TTLL9: variants seen among roughly 807,000 people sequenced by gnomAD.
The protein encoded by TTLL9 is tubulin tyrosine ligase like 9, also known as probable tubulin polyglutamylase TTLL9.
A neutral mutation model predicts 65.6 loss-of-function variants in TTLL9; 47 were observed. The ratio of observed to expected loss-of-function variants is 0.72; its 90% confidence interval spans 0.57 to 0.91. The LOEUF (loss-of-function observed/expected upper bound fraction) is 0.91, where lower values mean the gene tolerates loss of function less well. TTLL9 is among the 40% of genes least tolerant of loss of function. TTLL9 has a pLI of 0.00. For missense variants in TTLL9, 537 were observed against 568.8 expected (o/e 0.94, Z 0.57); for synonymous variants, 179 against 204.8 (o/e 0.87, Z 1.07).
intron 9 of TTLL9, among the ~76,000 whole-genome samples, chr20:31,925,629 C>T (rs1026844891): frequency 2.0e-5 from 3 of 152,110 alleles, no homozygotes; most frequent in Non-Finnish European, 4.4e-5. Flanking sequence ...CCAAGACAGA[C>T]TCCACCCCTG....
In TTLL9 at chr20:31,919,853, T is replaced by C; in HGVS notation, c.505-11T>C. The C allele has an allele frequency of 6.3e-7, 1 of 1,582,864 alleles. No homozygotes were observed. The highest frequency in any genetic ancestry group is 1.4e-5 in the African/African-American group (1 of 73,246). ...GCTAAGAGCTGGCTTTCTGCCCCCA[T>C]CCCACCCCAGGTAGCCCGGTCTCAA... is the stretch of plus-strand genomic sequence containing the variant. On this transcript the variant is annotated splice_polypyrimidine_tract_variant and intron_variant, in intron 6 of 14. Coordinates refer to ENST00000535842, the MANE Select transcript of TTLL9 (RefSeq NM_001008409.5).
chr20:31,896,200 G>C (rs1419038129), intron 3 of TTLL9, among the ~76,000 whole-genome samples: 2 of 151,756 alleles, frequency 1.3e-5, no homozygotes, highest in Non-Finnish European at 2.9e-5. Flanking sequence ...CTGGTCTCCA[G>C]CTCCTGACCT....
At chr20:31,907,793 G>A (rs2063580794) in intron 4 of TTLL9, among the ~76,000 whole-genome samples, 2 of 151,922 alleles carry the variant, frequency 1.3e-5, no homozygotes, top group South Asian at 4.2e-4. Flanking sequence ...TTTCCTTCGC[G>A]GCAGAACAGA....
At chr20:31,898,665 T>A in intron 4 of TTLL9, 100 bp downstream of exon 4, 2 of 987,070 alleles carry the variant, frequency 2.0e-6, no homozygotes, top group Non-Finnish European at 3.1e-6. Context: ...CCACTGGGAC[T>A]TGTCCCAAAG....
rs2062990448 is a variant in TTLL9 at position 31,873,817 on chromosome 20, G to GAAAGAAAGAAA, written c.69+2624_69+2625insAGAAAGAAAAA. On this transcript the variant is annotated intron_variant, in intron 2 of 14. Coordinates refer to ENST00000535842, the MANE Select transcript of TTLL9 (RefSeq NM_001008409.5). ...GAAAGGAAGGAAGGAAGGAAGGAAG[G>GAAAGAAAGAAA]AAGGAAGAAAGAAAGAAAGAAAGAA... 4.9e-4 allele frequency among the ~76,000 whole-genome samples: 40 copies of GAAAGAAAGAAA among 82,120 alleles called. 2 individuals carry two copies. The highest frequency in any genetic ancestry group is 1.6e-3 in the African/African-American group (35 of 21,720). 53.9% of individuals were successfully genotyped at this position (82,120 alleles called of 152,430 possible).
At chr20:31,879,183 T>C (rs963600253) in intron 2 of TTLL9, among the ~76,000 whole-genome samples, 2 of 152,144 alleles carry the variant, frequency 1.3e-5, no homozygotes, top group Non-Finnish European at 2.9e-5. Context: ...TACTCAGGCA[T>C]GGTGGCATGC....
intron 2 of TTLL9, among the ~76,000 whole-genome samples, chr20:31,882,817 A>G (rs2063137338): frequency 6.6e-6 from 1 of 152,226 alleles, no homozygotes; most frequent in Admixed American, 6.5e-5. Context: ...GCAAAATGTA[A>G]CAAACATCCT....
intron 4 of TTLL9, among the ~76,000 whole-genome samples, chr20:31,902,363 T>C (rs964364899): frequency 1.3e-5 from 2 of 152,316 alleles, no homozygotes; most frequent in South Asian, 2.1e-4. Flanking sequence ...TGTAGCAGTA[T>C]GTATCAGTAC....
At chr20:31,873,860 GAA>G (rs1171974433) in intron 2 of TTLL9, among the ~76,000 whole-genome samples, 1 of 148,684 alleles carries the variant, frequency 6.7e-6, no homozygotes, top group Admixed American at 6.7e-5. Context: ...AAGAAAGAAA[GAA>G]AGAAAGAAAG....
chr20:31,941,347 A>G (rs2064205828), intron 14 of TTLL9: 1 of 152,146 alleles, frequency 6.6e-6, no homozygotes, highest in Non-Finnish European at 1.5e-5. Flanking sequence ...ACAGTGCACC[A>G]AAGATATCAA....
intron 4 of TTLL9, among the ~76,000 whole-genome samples, chr20:31,906,965 T>C (rs1336966416): frequency 7.9e-5 from 12 of 152,042 alleles, no homozygotes; most frequent in Non-Finnish European, 1.3e-4. Context: ...CACCTTTTAA[T>C]AGGAAAATGG....
intron 3 of TTLL9, among the ~76,000 whole-genome samples, chr20:31,894,095 G>GTGCTTTTTTTTTTTT (rs2063348458): frequency 8.4e-6 from 1 of 118,902 alleles, no homozygotes; most frequent in African/African-American, 3.0e-5. Flanking sequence ...TTTCCATTTG[G>GTGCTTTTTTTTTTTT]TTCTTTTTTT....
In TTLL9 at chr20:31,890,086, TGCTTTCTTTC is replaced by T. The variant is rs1568752799; in HGVS notation, c.113+2848_113+2857del. 2.9e-4 allele frequency among the ~76,000 whole-genome samples: 38 copies of T among 133,104 alleles called. 2 individuals carry two copies. Among genetic ancestry groups the T allele is most frequent in the African/African-American group, 1.1e-3 (36 of 33,352 alleles). 87.3% of individuals were successfully genotyped at this position (133,104 alleles called of 152,430 possible). On this transcript the variant is annotated intron_variant, in intron 3 of 14. Coordinates refer to ENST00000535842, the MANE Select transcript of TTLL9 (RefSeq NM_001008409.5). ...TTTCTTTCTTGCTTTCTTGCTTTCT[TGCTTTCTTTC>T]CCTCCCTTCCTTCCTTCCTTCCTTC... is the stretch of plus-strand genomic sequence containing the variant.
intron 2 of TTLL9, among the ~76,000 whole-genome samples, chr20:31,880,564 C>T (rs1002116988): frequency 2.6e-5 from 4 of 151,738 alleles, no homozygotes; most frequent in Non-Finnish European, 4.4e-5. Flanking sequence ...GCTATCTCAG[C>T]TCACTGCAGC....
At chr20:31,942,708 C>A (rs934063064) in intron 14 of TTLL9, among the ~76,000 whole-genome samples, 2 of 152,208 alleles carry the variant, frequency 1.3e-5, no homozygotes, top group African/African-American at 4.8e-5. Context: ...CTCATGTTCA[C>A]TCCATAAGGT....
chr20:31,936,193 G>A (rs911938753), intron 12 of TTLL9, among the ~76,000 whole-genome samples: 1 of 152,164 alleles, frequency 6.6e-6, no homozygotes, highest in African/African-American at 2.4e-5. Context: ...GCTAGCGGGA[G>A]GTCTTTGGGC....
chr20:31,879,088 C>T (rs11699399), intron 2 of TTLL9, among the ~76,000 whole-genome samples: 21,660 of 152,052 alleles, frequency 0.14, 1,851 homozygotes, highest in Non-Finnish European at 0.19. Context: ...TTTTGGAGGT[C>T]GAGGCAGGTG....
chr20:31,880,185 C>G (rs973952204), intron 2 of TTLL9, among the ~76,000 whole-genome samples: 1 of 152,208 alleles, frequency 6.6e-6, no homozygotes, highest in African/African-American at 2.4e-5. Flanking sequence ...AACAGTGGGA[C>G]TCTAAGCTCC....
chr20:31,882,572 G>A (rs556650420), intron 2 of TTLL9, among the ~76,000 whole-genome samples: 32 of 152,062 alleles, frequency 2.1e-4, no homozygotes, highest in African/African-American at 7.7e-4. Flanking sequence ...TCTGTTTGTA[G>A]CCCATACAAG....
Sources: gnomAD v4.1 joint callset for allele counts (sites outside exome capture counted in the v4.1 genomes callset) on GRCh38, gnomAD v4.1.1 for gene constraint, MANE v1.5 for transcripts, NCBI Gene and HGNC (gene_info 2026-07-23, HGNC 2026-07-21) for gene names.